Variants in NLRP11 observed in about 807,000 individuals in gnomAD.
NLRP11 encodes NACHT, LRR and PYD domains-containing protein 11.
Under a neutral mutation model 79.3 loss-of-function variants are expected in NLRP11, and 53 were observed. The ratio of observed to expected loss-of-function variants is 0.67; its 90% confidence interval spans 0.54 to 0.84. The LOEUF (loss-of-function observed/expected upper bound fraction) is 0.84, where lower values mean the gene tolerates loss of function less well. Among genes scored for constraint, NLRP11 ranks in the 40% least tolerant of loss-of-function variants. NLRP11 has a pLI of 0.00. For synonymous variants in NLRP11, 518 were observed against 462.6 expected (o/e 1.12, Z -1.54); for missense variants, 1,264 against 1,255.0 (o/e 1.01, Z -0.11).
At position 55,809,553 on chromosome 19, in the gene NLRP11, T is replaced by G; in HGVS notation, c.1057A>C (p.Met353Leu). The G allele has an allele frequency of 6.2e-7, 1 of 1,614,180 alleles. No individual in the cohort carries two copies. Among genetic ancestry groups the G allele is most frequent in the South Asian group, 1.1e-5 (1 of 91,080 alleles). ...AGCTGGAAGTCACGCCCCTTGTCCA[T>G]CTGCCGCTTCAGGACAGTACACGTG... Residue 353 changes from methionine to leucine, a missense_variant, in exon 3 of 10, where the codon ATG becomes CTG. By Grantham distance (15) the Met-to-Leu change is conservative (BLOSUM62 2). Coordinates refer to ENST00000589093, the Ensembl canonical transcript of NLRP11. The surrounding 1 kb of genome is among the most constrained non-coding windows in gnomAD (Gnocchi z 4.5).
At chr19:55,789,097 T>C in intron 8 of NLRP11, 120 bp from the exon 9 acceptor site, 1 of 1,384,386 alleles carries the variant, frequency 7.2e-7, no homozygotes, top group Non-Finnish European at 1.0e-6. Context: ...GAACTGACTG[T>C]GCAATAAGAG....
At chr19:55,822,981 C>A (rs1981932678) in intron 1 of NLRP11, among the ~76,000 whole-genome samples, 2 of 151,878 alleles carry the variant, frequency 1.3e-5, no homozygotes, top group Non-Finnish European at 2.9e-5. Context: ...AACAAAAAGA[C>A]AGCAGTAACC....
At chr19:55,820,162 T>TC (rs934522518) in intron 1 of NLRP11, among the ~76,000 whole-genome samples, 1 of 152,106 alleles carries the variant, frequency 6.6e-6, no homozygotes, top group African/African-American at 2.4e-5. Flanking sequence ...AAGCAGTCAC[T>TC]CCCTGTTTCC....
exon 10 of NLRP11, chr19:55,785,522 CACACACACACACACACAT>C: frequency 2.9e-6 from 3 of 1,022,334 alleles, no homozygotes; most frequent in African/African-American, 3.3e-5. Context: ...CACACACACA[CACACACACACACACACAT>C]CAAATAGGAA....
In NLRP11 at chr19:55,819,126, T is replaced by TACAG. The variant is rs1491154998; in HGVS notation, c.-62-891_-62-890insCTGT. On this transcript the variant is annotated intron_variant, in intron 1 of 9. Coordinates refer to ENST00000589093, the Ensembl canonical transcript of NLRP11. Reference sequence around the variant, plus strand: ...CCCCACTGTACTGAGTGGTATCGCCTACACACACACACACACACACACACA... The same window carrying TACAG: ...CCCCACTGTACTGAGTGGTATCGCCTACAGACACACACACACACACACACACACA... 7.6e-4 allele frequency among the ~76,000 whole-genome samples: 80 copies of TACAG among 105,266 alleles called. 4 individuals are homozygous for TACAG. In the East Asian group the frequency reaches 0.013, roughly 17 times the overall value. The allele number at this position is 105,266 out of a possible 152,430, so 69.1% of individuals were successfully genotyped here. A position where few individuals can be genotyped will look rare whatever the true frequency, so the allele number is the denominator to read the frequency against.
exon 7 of NLRP11, chr19:55,792,349 T>C (rs1978345748): frequency 1.2e-6 from 2 of 1,614,172 alleles, no homozygotes; most frequent in Non-Finnish European, 1.7e-6. Context: ...AAACGTCACA[T>C]GCAACACTCC....
intron 9 of NLRP11, among the ~76,000 whole-genome samples, chr19:55,787,764 T>C (rs1351278320): frequency 1.3e-5 from 2 of 152,198 alleles, no homozygotes; most frequent in Non-Finnish European, 2.9e-5. Context: ...CAGTTGCTGT[T>C]TGAGAGTTGG....
intron 4 of NLRP11, among the ~76,000 whole-genome samples, chr19:55,803,125 G>C (rs946536640): frequency 6.6e-6 from 1 of 152,146 alleles, no homozygotes; most frequent in Non-Finnish European, 1.5e-5. Flanking sequence ...CAGATGGGCA[G>C]ATCACAAGGT....
At chr19:55,833,569 T>A (rs1410277896), upstream of NLRP11, among the ~76,000 whole-genome samples, 1 of 151,688 alleles carries the variant, frequency 6.6e-6, no homozygotes, top group Non-Finnish European at 1.5e-5. Context: ...ATCGAGACCA[T>A]CCTGGCTAAC....
upstream of NLRP11, among the ~76,000 whole-genome samples, chr19:55,833,602 C>A (rs1167806025): frequency 6.6e-6 from 1 of 151,010 alleles, no homozygotes; most frequent in Non-Finnish European, 1.5e-5. Flanking sequence ...CCGTCTCTAC[C>A]AAAAATATAA....
chr19:55,812,388 G>A (rs1980689508), intron 2 of NLRP11, among the ~76,000 whole-genome samples: 1 of 152,024 alleles, frequency 6.6e-6, no homozygotes, highest in African/African-American at 2.4e-5. Flanking sequence ...CAAGCACAGA[G>A]GAAAAACAAT....
At chr19:55,821,702 A>C (rs1022594080) in intron 1 of NLRP11, among the ~76,000 whole-genome samples, 8 of 142,206 alleles carry the variant, frequency 5.6e-5, no homozygotes, top group East Asian at 4.3e-4. Flanking sequence ...GAACCCATTA[A>C]CATTGTTAGT....
rs559569656 is a variant in NLRP11, at chr19:55,799,727, C to T, written c.2171+1845G>A. On this transcript the variant is annotated intron_variant, in intron 5 of 9. Coordinates refer to ENST00000589093, the Ensembl canonical transcript of NLRP11. Reference sequence around the variant, plus strand: ...CAGAAAGAAAGTGAGGGGCTGGGTGCAGTGGCTTCCAGCACTTTGGGAGGC... The same window carrying T: ...CAGAAAGAAAGTGAGGGGCTGGGTGTAGTGGCTTCCAGCACTTTGGGAGGC... Among the ~76,000 whole-genome samples, 5 of 152,242 alleles carry T rather than the reference C, an allele frequency of 3.3e-5. No individual in the cohort carries two copies. In the South Asian group the frequency reaches 8.3e-4, roughly 25 times the overall value.
At chr19:55,802,091 C>A (rs959709355) in intron 4 of NLRP11, among the ~76,000 whole-genome samples, 3 of 152,142 alleles carry the variant, frequency 2.0e-5, no homozygotes, top group Non-Finnish European at 2.9e-5. Flanking sequence ...GAGCAAAAGA[C>A]AAAATATGCT....
Position 55,809,528 on chromosome 19 carries a change from A to G in NLRP11, c.1082T>C (p.Leu361Pro), listed in dbSNP as rs1375469045. The G allele has an allele frequency of 6.2e-7, 1 of 1,614,216 alleles. No homozygotes were observed. The highest frequency in any genetic ancestry group is 8.5e-7 in the Non-Finnish European group (1 of 1,180,018). Reference sequence around the variant, plus strand: ...TAGATCAGTGGGTGTTTGGCAGCAGAGCTGGAAGTCACGCCCCTTGTCCAT... The same window carrying G: ...TAGATCAGTGGGTGTTTGGCAGCAGGGCTGGAAGTCACGCCCCTTGTCCAT... The change falls in exon 3 of 10, where the codon CTC becomes CCC. Residue 361 changes from leucine to proline, a missense_variant. Leu to Pro is a moderately conservative substitution (Grantham distance 98, BLOSUM62 -3). Coordinates refer to ENST00000589093, the Ensembl canonical transcript of NLRP11. The surrounding 1 kb of genome is among the most constrained non-coding windows in gnomAD (Gnocchi z 4.5).
At chr19:55,807,797 A>G in intron 4 of NLRP11, 56 bp downstream of exon 4, 1 of 1,237,970 alleles carries the variant, frequency 8.1e-7, no homozygotes, top group Non-Finnish European at 1.1e-6. Context: ...GAGAAAGAAA[A>G]AGACCACCGT....
chr19:55,799,645 G>C (rs1979279218), intron 5 of NLRP11, among the ~76,000 whole-genome samples: 1 of 152,122 alleles, frequency 6.6e-6, no homozygotes, highest in Admixed American at 6.5e-5. Flanking sequence ...AGGGAGAAGG[G>C]ATGCTGAGTG....
chr19:55,808,184 A>G (rs1980195247), intron 3 of NLRP11, among the ~76,000 whole-genome samples, 170 bp from the exon 4 acceptor site: 1 of 152,254 alleles, frequency 6.6e-6, no homozygotes, highest in Non-Finnish European at 1.5e-5. Flanking sequence ...ACTCAGATCC[A>G]TTAAAGTAGC....
chr19:55,833,641 G>A (rs539251329), upstream of NLRP11, among the ~76,000 whole-genome samples: 6 of 151,598 alleles, frequency 4.0e-5, no homozygotes, highest in Admixed American at 2.6e-4. Context: ...GGTGGCGGGC[G>A]CCTGTAGTCC....
Sources: gnomAD v4.1 joint callset for allele counts (sites outside exome capture counted in the v4.1 genomes callset) on GRCh38, gnomAD v4.1.1 for gene constraint, Gnocchi (gnomAD v3.1) non-coding constraint, MANE v1.5 for transcripts, NCBI Gene and HGNC (gene_info 2026-07-23, HGNC 2026-07-21) for gene names.